Variants in ZFHX3 observed in about 807,000 individuals in gnomAD.
The protein encoded by ZFHX3 is zinc finger homeobox 3.
A neutral mutation model predicts 279.1 loss-of-function variants in ZFHX3; 42 were observed. That is an observed-to-expected ratio of 0.15 (90% CI 0.12 to 0.19). The LOEUF (loss-of-function observed/expected upper bound fraction) is 0.19. Ranked by LOEUF, ZFHX3 falls within the 10% of genes least tolerant of loss-of-function variation. The pLI is 1.00. For synonymous variants in ZFHX3, 2,293 were observed against 1,957.8 expected (o/e 1.17, Z -4.52); for missense variants, 4,981 against 4,754.0 (o/e 1.05, Z -1.40).
intron 2 of ZFHX3, among the ~76,000 whole-genome samples, chr16:73,623,168 C>T (rs923835452): frequency 6.6e-6 from 1 of 152,046 alleles, no homozygotes; most frequent in Non-Finnish European, 1.5e-5. Flanking sequence ...TCTCGAGTTG[C>T]TGGGACTACA....
intron 4 of ZFHX3, among the ~76,000 whole-genome samples, chr16:73,300,263 T>C (rs2015021070): frequency 3.0e-5 from 2 of 67,746 alleles, no homozygotes; most frequent in Non-Finnish European, 6.2e-5. Context: ...ACTCTGTCTC[T>C]TAAAAAAAAA....
chr16:72,957,351 A>T, intron 2 of ZFHX3, 76 bp downstream of exon 2: 1 of 1,493,594 alleles, frequency 6.7e-7, no homozygotes, highest in Non-Finnish European at 9.0e-7. Flanking sequence ...AATCCACAGG[A>T]CTATCTCACC....
At chr16:73,070,934 GCGCGCA>G (rs1485217615) in intron 8 of ZFHX3, among the ~76,000 whole-genome samples, 1,540 of 69,164 alleles carry the variant, frequency 0.022, 15 homozygotes, top group South Asian at 0.031. Context: ...GCGCGCGCGC[GCGCGCA>G]CACACACACA....
At chr16:73,160,463 A>T (rs1482846539) in intron 5 of ZFHX3, among the ~76,000 whole-genome samples, 1 of 152,160 alleles carries the variant, frequency 6.6e-6, no homozygotes, top group African/African-American at 2.4e-5. Context: ...ATTTCTAAGG[A>T]TGAGAACTCC....
At chr16:73,487,598 G>T (rs1272348728) in intron 2 of ZFHX3, 2 of 306,720 alleles carry the variant, frequency 6.5e-6, no homozygotes, top group Non-Finnish European at 1.3e-5. Flanking sequence ...GTAGACACGG[G>T]TTCTCACTGT....
At chr16:73,295,356 G>C (rs778411965) in intron 4 of ZFHX3, among the ~76,000 whole-genome samples, 27 of 152,234 alleles carry the variant, frequency 1.8e-4, no homozygotes, top group Non-Finnish European at 3.8e-4. Context: ...TCACTGTTTA[G>C]TGTTAGAAAA....
At chr16:73,518,678 G>A (rs1189503682) in intron 2 of ZFHX3, among the ~76,000 whole-genome samples, 1 of 152,118 alleles carries the variant, frequency 6.6e-6, no homozygotes, top group Non-Finnish European at 1.5e-5. Context: ...TTGAGCAAAT[G>A]CTTTCAGGTT....
Position 72,796,029 on chromosome 16 carries a change from C to G in ZFHX3, c.6653G>C (p.Ser2218Thr), listed in dbSNP as rs779103568. The G allele has an allele frequency of 1.9e-6, 3 of 1,614,150 alleles. No homozygotes were observed. In the Admixed American group the frequency reaches 5.0e-5, roughly 27 times the overall value. The change falls in exon 9 of 10, where the codon AGC (serine) becomes ACC (threonine). Residue 2218 changes from serine to threonine, a missense_variant. This residue lies in a region of ZFHX3 where 177 missense variants were observed against 244.2 expected (regional missense o/e 0.72). Coordinates refer to ENST00000268489, the MANE Select transcript of ZFHX3 (RefSeq NM_006885.4). ...PYNFSNPPITSLEELKIDSRP... is the reference protein window; with the variant it reads ...PYNFSNPPITTLEELKIDSRP... ...GGAGTCAATCTTGAGCTCCTCCAGG[C>G]TGGTGATAGGAGGATTACTGAAGTT...
chr16:72,921,894 T>C (rs758980618), intron 3 of ZFHX3, among the ~76,000 whole-genome samples: 63 of 152,080 alleles, frequency 4.1e-4, no homozygotes, highest in African/African-American at 1.4e-3. Flanking sequence ...AAAATGAAAA[T>C]GGCCACACGC....
chr16:73,253,116 C>T (rs1357759548), intron 5 of ZFHX3, among the ~76,000 whole-genome samples: 1 of 152,180 alleles, frequency 6.6e-6, no homozygotes, highest in Non-Finnish European at 1.5e-5. Flanking sequence ...CCATTCCACC[C>T]TCAACCCCAT....
At chr16:73,393,778 A>C (rs2017068813) in intron 3 of ZFHX3, among the ~76,000 whole-genome samples, 1 of 151,990 alleles carries the variant, frequency 6.6e-6, no homozygotes, top group South Asian at 2.1e-4. Context: ...TTTCAAAAGG[A>C]AAAATGCTAG....
At chr16:72,967,163 T>C (rs1355979814) in intron 1 of ZFHX3, among the ~76,000 whole-genome samples, 1 of 152,202 alleles carries the variant, frequency 6.6e-6, no homozygotes, top group African/African-American at 2.4e-5. Context: ...ATCCATTCCT[T>C]TTCTTTTTTT....
At chr16:73,370,572 C>G (rs2016610367) in intron 3 of ZFHX3, among the ~76,000 whole-genome samples, 2 of 152,126 alleles carry the variant, frequency 1.3e-5, no homozygotes, top group African/African-American at 2.4e-5. Context: ...GTGCTAACCC[C>G]ATAACACGAT....
At chr16:72,910,338 C>T (rs1159387784) in intron 3 of ZFHX3, among the ~76,000 whole-genome samples, 1 of 152,134 alleles carries the variant, frequency 6.6e-6, no homozygotes, top group African/African-American at 2.4e-5. Flanking sequence ...CATTATCATC[C>T]CTGCGTCATG....
chr16:73,753,989 T>TGTGTGTGTGTGTGTGTGC (rs1230480760), intron 1 of ZFHX3, among the ~76,000 whole-genome samples: 1 of 151,612 alleles, frequency 6.6e-6, no homozygotes, highest in Non-Finnish European at 1.5e-5. Flanking sequence ...AGAATCAATG[T>TGTGTGTGTGTGTGTGTGC]GTGTGTGTGT....
intron 2 of ZFHX3, among the ~76,000 whole-genome samples, chr16:73,565,576 G>T (rs1351819913): frequency 6.6e-6 from 1 of 152,156 alleles, no homozygotes; most frequent in Non-Finnish European, 1.5e-5. Flanking sequence ...ACATTGTCCT[G>T]TTTATTCCTC....
intron 4 of ZFHX3, among the ~76,000 whole-genome samples, chr16:73,310,666 T>C (rs532757589): frequency 6.6e-6 from 1 of 152,350 alleles, no homozygotes; most frequent in South Asian, 2.1e-4. Context: ...TCAATAGTAC[T>C]GAGGCTCAGA....
At chr16:73,023,852 C>T (rs1352940611) in intron 1 of ZFHX3, among the ~76,000 whole-genome samples, 1 of 152,178 alleles carries the variant, frequency 6.6e-6, no homozygotes, top group Non-Finnish European at 1.5e-5. Flanking sequence ...GCTCCATCCA[C>T]GGCAACAAAA....
chr16:73,484,668 T>C (rs1275528248), intron 2 of ZFHX3, among the ~76,000 whole-genome samples: 3 of 152,208 alleles, frequency 2.0e-5, no homozygotes, highest in Non-Finnish European at 4.4e-5. Flanking sequence ...AAAGGACCAA[T>C]ACTTCCCAAA....
Sources: allele counts gnomAD v4.1 joint callset (sites outside exome capture counted in the v4.1 genomes callset), GRCh38; gene constraint gnomAD v4.1.1; regional missense constraint gnomAD v4.1.1; transcripts MANE v1.5; gene names NCBI Gene and HGNC (gene_info 2026-07-23, HGNC 2026-07-21).